The following CEP250 variants were observed in gnomAD, a reference collection of about 807,000 sequenced individuals.
CEP250 encodes the protein centrosome-associated protein CEP250.
A neutral mutation model predicts 315.7 loss-of-function variants in CEP250; 242 were observed. That is an observed-to-expected ratio of 0.77 (90% confidence interval 0.69 to 0.85). The LOEUF (loss-of-function observed/expected upper bound fraction) is 0.85, where lower values mean the gene tolerates loss of function less well. CEP250 is among the 40% of genes least tolerant of loss of function. The probability of loss-of-function intolerance (pLI) is 0.00; values close to 1 mark genes in which losing one functional copy is unlikely to be tolerated. For synonymous variants in CEP250, 1,088 were observed against 1,175.0 expected, an observed-to-expected ratio of 0.93 and a Z score of 1.51; for missense variants, 2,515 against 2,886.4, an observed-to-expected ratio of 0.87 and a Z score of 2.95.
chr20:35,466,274 G>A, intron 7 of CEP250, 70 bp downstream of exon 7: 1 of 1,494,848 alleles, frequency 6.7e-7, no homozygotes, highest in South Asian at 1.2e-5. Context: ...GGTCAGTACT[G>A]GAAGGAGTTA....
chr20:35,477,959 A>C lies in CEP250; in HGVS notation c.1952A>C (p.Glu651Ala). ...TTGCAGGTCGACCTGGCGGAGGCAG[A>C]GAAGAGGAGGGAAGCCCTGTGGGAA... ...NALQVDLAEA[E>A]KRREALWEKN... Residue 651 changes from glutamate (E) to alanine (A), a missense_variant, in exon 17 of 35, where the codon GAG becomes GCG. By Grantham distance (107) the Glu-to-Ala change is moderately radical. Transcript: ENST00000397527. 1.2e-6 allele frequency: 2 copies of C among 1,613,026 alleles called. No homozygotes were observed. The highest frequency in any genetic ancestry group is 1.7e-6 in the Non-Finnish European group (2 of 1,179,606).
At chr20:35,472,452 C>G (rs1223401219) in intron 11 of CEP250, among the ~76,000 whole-genome samples, 1 of 152,130 alleles carries the variant, frequency 6.6e-6, no homozygotes, top group Non-Finnish European at 1.5e-5. Context: ...TTATTGTTAC[C>G]TCAGACAGTG....
chr20:35,472,861 A>C (rs1601156336), intron 12 of CEP250, 30 bp downstream of exon 12: 2 of 1,612,628 alleles, frequency 1.2e-6, no homozygotes, highest in African/African-American at 2.7e-5. Context: ...CACCTCAGTC[A>C]CAGGGGTTTG....
At chr20:35,481,831 T>C (rs2063352893) in intron 20 of CEP250, among the ~76,000 whole-genome samples, 1 of 152,088 alleles carries the variant, frequency 6.6e-6, no homozygotes, top group Admixed American at 6.6e-5. Context: ...GCCTCCCAAG[T>C]AGCTGGGATT....
At chr20:35,474,167 G>A (rs147087255) in intron 14 of CEP250, 115 bp downstream of exon 14, 21 of 866,816 alleles carry the variant, frequency 2.4e-5, no homozygotes, top group Admixed American at 3.6e-5. Flanking sequence ...GCATGCAGTG[G>A]GTTCAGATTA....
At chr20:35,457,001 C>T (rs939819674) in intron 1 of CEP250, among the ~76,000 whole-genome samples, 7 of 152,116 alleles carry the variant, frequency 4.6e-5, no homozygotes, top group African/African-American at 1.2e-4. Flanking sequence ...AAGCTGGTCT[C>T]GAACTCCTGG....
Position 35,504,316 on chromosome 20 carries a change from C to T in CEP250, c.5947C>T (p.His1983Tyr), listed in dbSNP as rs1013360865. Residue 1983 changes from histidine to tyrosine, a missense_variant, in exon 30 of 35, where the codon CAT (histidine) becomes TAT (tyrosine). Transcript: ENST00000397527. Reference sequence around the variant, plus strand: ...TGCTGCCCTGCAGGGGAAAGAGCAGCATCTCCTCGAGCAGGCAGAATTGAG... The same window carrying T: ...TGCTGCCCTGCAGGGGAAAGAGCAGTATCTCCTCGAGCAGGCAGAATTGAG... The part of the protein sequence containing the change: ...AHAALQGKEQ[H>Y]LLEQAELSRS... 52 of 1,589,422 alleles carry T rather than the reference C, an allele frequency of 3.3e-5. No individual in the cohort carries two copies. The highest frequency in any genetic ancestry group is 2.5e-4 in the Admixed American group (14 of 55,646).
chr20:35,507,896 C>T, intron 31 of CEP250, 45 bp downstream of exon 31: 3 of 1,603,634 alleles, frequency 1.9e-6, no homozygotes, highest in Non-Finnish European at 2.6e-6. Context: ...GCAGGGAGCT[C>T]CTGTCCAGGG....
In CEP250 at chr20:35,503,902, G is replaced by A. The variant is rs2064097774; in HGVS notation, c.5533G>A (p.Gly1845Arg). 1 of 1,613,898 alleles carries A rather than the reference G, an allele frequency of 6.2e-7. No individual in the cohort carries two copies. Among genetic ancestry groups the A allele is most frequent in the South Asian group, 1.1e-5 (1 of 91,060 alleles). The change falls in exon 30 of 35, where the codon GGA (glycine) becomes AGA (arginine). Residue 1845 changes from glycine to arginine, a missense_variant. Coordinates refer to ENST00000397527, the MANE Select transcript of CEP250 (RefSeq NM_007186.6). The surrounding 1 kb of genome is among the most constrained non-coding windows in gnomAD (Gnocchi z 4.2). Reference protein sequence around the residue: ...RVKEKADALQGALEQAHMTLK... With the variant: ...RVKEKADALQRALEQAHMTLK... Reference sequence around the variant, plus strand: ...GAAGGAAAAGGCAGACGCCCTCCAGGGAGCTCTGGAGCAAGCCCATATGAC... The same window carrying A: ...GAAGGAAAAGGCAGACGCCCTCCAGAGAGCTCTGGAGCAAGCCCATATGAC...
rs548722507 is a variant in CEP250, at chr20:35,504,181, C to A, written c.5812C>A (p.Arg1938=). The A allele has an allele frequency of 6.2e-7, 1 of 1,613,684 alleles. No individual in the cohort carries two copies. Among genetic ancestry groups the A allele is most frequent in the South Asian group, 1.1e-5 (1 of 91,050 alleles). Residue 1938 remains arginine, a synonymous_variant, in exon 30 of 35, where the codon CGG becomes AGG. Coordinates refer to ENST00000397527, the MANE Select transcript of CEP250 (RefSeq NM_007186.6). ...WLQAQAVLKE[R]DQELEALRAE... ...GCAGGCCCAGGCAGTGCTCAAGGAA[C>A]GGGACCAGGAGCTGGAAGCTCTGCG...
rs145309655 is a variant in CEP250 at position 35,464,082 on chromosome 20, A to T, written c.243+451A>T. ...AAAAGTTCTCTCAGAGGAAGGAAAG[A>T]ACCAAAACTTATTGAGCACCCTCAA... is the stretch of plus-strand genomic sequence containing the variant. On this transcript the variant is annotated intron_variant, in intron 5 of 34. Transcript: ENST00000397527. 1.4e-4 allele frequency among the ~76,000 whole-genome samples: 22 copies of T among 152,320 alleles called. No homozygotes were observed. The East Asian group carries it at 4.2e-3, about 29-fold the overall frequency.
intron 22 of CEP250, among the ~76,000 whole-genome samples, chr20:35,492,893 A>G (rs1412303511): frequency 6.6e-6 from 1 of 151,870 alleles, no homozygotes; most frequent in Non-Finnish European, 1.5e-5. Flanking sequence ...ATGCTTGGCT[A>G]ATTTTTGTAT....
At chr20:35,485,613 C>G (rs138667051) in intron 20 of CEP250, among the ~76,000 whole-genome samples, 3,203 of 139,548 alleles carry the variant, frequency 0.023, 129 homozygotes, top group African/African-American at 0.079. Flanking sequence ...GCCTCAGCCT[C>G]CTAAGTAGCT....
intron 1 of CEP250, among the ~76,000 whole-genome samples, chr20:35,456,436 G>T (rs1457442214): frequency 6.6e-6 from 1 of 152,194 alleles, no homozygotes; most frequent in Non-Finnish European, 1.5e-5. Flanking sequence ...GTTATTGGAG[G>T]CTAGGCTTGT....
intron 8 of CEP250, 45 bp downstream of exon 8, chr20:35,467,117 C>A (rs1428229954): frequency 1.5e-6 from 2 of 1,304,518 alleles, no homozygotes; most frequent in African/African-American, 3.4e-5. Flanking sequence ...CCTACCAATT[C>A]TGGACTAATA....
At chr20:35,472,549 C>A in intron 11 of CEP250, 124 bp from the exon 12 acceptor site, 1 of 989,488 alleles carries the variant, frequency 1.0e-6, no homozygotes, top group Non-Finnish European at 1.5e-6. Flanking sequence ...TACTCCCCTC[C>A]TTCCCCCAGG....
intron 9 of CEP250, 93 bp from the exon 10 acceptor site, chr20:35,469,797 T>C: frequency 1.4e-6 from 1 of 695,450 alleles, no homozygotes; most frequent in Non-Finnish European, 2.3e-6. Context: ...TTGGGAGTGG[T>C]TGGGGTTGGG....
intron 27 of CEP250, 22 bp from the exon 28 acceptor site, chr20:35,500,027 A>AGCCAT (rs1320541960): frequency 6.2e-7 from 1 of 1,613,850 alleles, no homozygotes; most frequent in Non-Finnish European, 8.5e-7. Context: ...ACTCACGTTT[A>AGCCAT]GCCATGCCCT....
intron 20 of CEP250, among the ~76,000 whole-genome samples, chr20:35,489,592 C>T (rs1306054531): frequency 2.0e-5 from 3 of 152,116 alleles, no homozygotes; most frequent in African/African-American, 2.4e-5. Context: ...GATTCTCCAC[C>T]CAGGCAGCCC....
Sources: gnomAD v4.1 joint callset for allele counts (sites outside exome capture counted in the v4.1 genomes callset) on GRCh38, gnomAD v4.1.1 for gene constraint, Gnocchi (gnomAD v3.1) non-coding constraint, MANE v1.5 for transcripts, NCBI Gene and HGNC (gene_info 2026-07-23, HGNC 2026-07-21) for gene names.